Variants in MRPL34 observed in about 807,000 individuals in gnomAD.
MRPL34 encodes the protein large ribosomal subunit protein bL34m.
Under a neutral mutation model 6.7 loss-of-function variants are expected in MRPL34, and 8 were observed. That is an observed-to-expected ratio of 1.20 (90% confidence interval 0.70 to 2.16). MRPL34 has a LOEUF of 2.16. Among genes scored for constraint, MRPL34 ranks in the 30% most tolerant of loss-of-function variants. The probability of loss-of-function intolerance (pLI) is 0.00; values close to 1 mark genes in which losing one functional copy is unlikely to be tolerated. For missense variants in MRPL34, 146 were observed against 125.5 expected, an observed-to-expected ratio of 1.16 and a Z score of -0.78; for synonymous variants, 59 against 55.1, an observed-to-expected ratio of 1.07 and a Z score of -0.31.
rs747576672 is a variant in MRPL34 at position 17,294,460 on chromosome 19, T to A, written c.214+1606T>A. 3.7e-6 allele frequency: 6 copies of A among 1,614,150 alleles called. No individual in the cohort carries two copies. In the South Asian group the frequency reaches 6.6e-5, roughly 18 times the overall value. On this transcript the variant is annotated intron_variant, in intron 1 of 2. Transcript: ENST00000595444. ...TGACACGTTGAAAGCGTTGCCCTCCTTTAACAGCTGCTTCTCCTTGGCTCC... is the reference window on the plus strand; with the variant it reads ...TGACACGTTGAAAGCGTTGCCCTCCATTAACAGCTGCTTCTCCTTGGCTCC...
At chr19:17,292,605 C>G (rs113634768), upstream of MRPL34, 143,997 of 1,525,780 alleles carry the variant, frequency 0.094, 7,516 homozygotes, top group Non-Finnish European at 0.11. Flanking sequence ...GGCGCAGGCT[C>G]GGGCCTCCTC....
At chr19:17,294,772 C>T in intron 1 of MRPL34, 2 of 1,614,206 alleles carry the variant, frequency 1.2e-6, no homozygotes, top group Admixed American at 1.7e-5. Flanking sequence ...GCCGTAGGGC[C>T]CCCGCCATTG....
At chr19:17,294,195 C>G in intron 1 of MRPL34, 1 of 1,444,320 alleles carries the variant, frequency 6.9e-7, no homozygotes, top group Non-Finnish European at 9.2e-7. Context: ...AGCACGCCCA[C>G]CAAGCGCTAC....
chr19:17,294,634 G>T, intron 1 of MRPL34: 13 of 1,608,928 alleles, frequency 8.1e-6, no homozygotes, highest in Non-Finnish European at 1.0e-5. Context: ...GCCTGGGTTC[G>T]CCAGGGCCAG....
chr19:17,305,678 G>C (rs1022355295), upstream of MRPL34: 6 of 604,592 alleles, frequency 9.9e-6, no homozygotes, highest in Non-Finnish European at 1.8e-5. Flanking sequence ...CCGGCTACCT[G>C]TTGGTGTGTA....
At chr19:17,296,788 G>A (rs34546260) in intron 1 of MRPL34, 50,039 of 150,386 alleles carry the variant, frequency 0.33, 9,361 homozygotes, top group Non-Finnish European at 0.42. Flanking sequence ...TCCGCCTCCC[G>A]GGTTCAAGTG....
At chr19:17,301,184 C>G, upstream of MRPL34, 7 of 1,605,372 alleles carry the variant, frequency 4.4e-6, no homozygotes, top group Non-Finnish European at 5.9e-6. Flanking sequence ...CGCCGCCCAC[C>G]ACTGCCACTG....
At chr19:17,301,810 T>TGTG (rs1555721124), upstream of MRPL34, among the ~76,000 whole-genome samples, 387 of 119,570 alleles carry the variant, frequency 3.2e-3, 1 homozygote, top group African/African-American at 0.013. Flanking sequence ...GTGTGTGTGT[T>TGTG]TTTGAGACAG....
At chr19:17,301,380 C>T (rs1228103331), upstream of MRPL34, 1 of 1,611,300 alleles carries the variant, frequency 6.2e-7, no homozygotes, top group African/African-American at 1.3e-5. Flanking sequence ...TGATCCGGCG[C>T]TGACAGCGGA....
In MRPL34 at chr19:17,306,330, A is replaced by C. The variant is rs749803835; in HGVS notation, c.230A>C (p.Gln77Pro). The change falls in exon 2 of 2, where the codon CAG (glutamine) becomes CCG (proline). Residue 77 changes from glutamine to proline, a missense_variant. Transcript: ENST00000252602. ...VRRLSTPAGVQVILRRMLKGR... is the reference protein window; with the variant it reads ...VRRLSTPAGVPVILRRMLKGR... ...CGCCTGAGCACGCCGGCCGGCGTGC[A>C]GGTCATCCTTCGCCGAATGCTCAAG... 6.2e-6 allele frequency: 10 copies of C among 1,609,882 alleles called. No individual in the cohort carries two copies. In the Admixed American group the frequency reaches 1.0e-4, roughly 16 times the overall value.
Position 17,306,426 on chromosome 19 carries a change from C to T in MRPL34, c.*47C>T. On this transcript the variant is annotated 3_prime_UTR_variant, in exon 2 of 2. Transcript: ENST00000252602. Reference sequence around the variant, plus strand: ...GACCCTCATGGAAGCATCGCCCTCGCCTCGGACCTTGCCTGGCGCTATTTT... The same window carrying T: ...GACCCTCATGGAAGCATCGCCCTCGTCTCGGACCTTGCCTGGCGCTATTTT... The T allele has an allele frequency of 6.7e-7, 1 of 1,491,440 alleles. No homozygotes were observed. Among genetic ancestry groups the T allele is most frequent in the South Asian group, 1.3e-5 (1 of 78,378 alleles). The allele number at this position is 1,491,440 out of a possible 1,614,324, so 92.4% of individuals were successfully genotyped here.
At chr19:17,299,287 T>C (rs912432199), upstream of MRPL34, among the ~76,000 whole-genome samples, 2 of 140,548 alleles carry the variant, frequency 1.4e-5, no homozygotes, top group African/African-American at 2.6e-5. Flanking sequence ...ATTGGCCTGG[T>C]GCGTTGGCTC....
intron 1 of MRPL34, chr19:17,296,618 C>G (rs748692284): frequency 6.6e-6 from 1 of 152,048 alleles, no homozygotes; most frequent in Admixed American, 6.6e-5. Flanking sequence ...AAACTATGTA[C>G]GGCCTGTGGG....
At chr19:17,305,186 G>T (rs528443353), upstream of MRPL34, among the ~76,000 whole-genome samples, 1 of 151,896 alleles carries the variant, frequency 6.6e-6, no homozygotes, top group African/African-American at 2.4e-5. Context: ...GGGAGCCAAG[G>T]ATAGTGTGTG....
chr19:17,294,536 T>A, intron 1 of MRPL34: 6 of 1,612,892 alleles, frequency 3.7e-6, no homozygotes, highest in Non-Finnish European at 5.1e-6. Context: ...CTAGAGCCCC[T>A]TATGCCAGCC....
At chr19:17,299,905 T>C (rs376230350), upstream of MRPL34, among the ~76,000 whole-genome samples, 157 of 94,616 alleles carry the variant, frequency 1.7e-3, no homozygotes, top group African/African-American at 3.6e-3. Context: ...TGGTGGCCCC[T>C]TTTTTTTTTT....
At chr19:17,296,884 G>A (rs1015149828) in intron 1 of MRPL34, among the ~76,000 whole-genome samples, 4 of 151,958 alleles carry the variant, frequency 2.6e-5, no homozygotes, top group African/African-American at 9.7e-5. Context: ...TAGTAGAGAC[G>A]GGGTTTCACC....
At chr19:17,306,017 C>T in intron 1 of MRPL34, 60 bp downstream of exon 1, 6 of 1,594,844 alleles carry the variant, frequency 3.8e-6, no homozygotes, top group Admixed American at 1.7e-5. Context: ...CGGAGGCTGG[C>T]GCCACTCTTC....
In MRPL34 at chr19:17,295,687, C is replaced by T. The variant is rs574219746; in HGVS notation, c.214+2833C>T. Among the ~76,000 whole-genome samples, 3 of 152,238 alleles carry T rather than the reference C, an allele frequency of 2.0e-5. No individual in the cohort carries two copies. In the South Asian group the frequency reaches 6.2e-4, roughly 32 times the overall value. On this transcript the variant is annotated intron_variant, in intron 1 of 2. Transcript: ENST00000595444. The stretch of plus-strand genomic sequence containing the variant: ...CTTCCCAAAGTGCGGGGATTACAGG[C>T]ATGAGCCACTGGGCTGGCCTGTTTT...
Sources: allele counts gnomAD v4.1 joint callset (sites outside exome capture counted in the v4.1 genomes callset), GRCh38; gene constraint gnomAD v4.1.1; transcripts MANE v1.5; gene names NCBI Gene and HGNC (gene_info 2026-07-23, HGNC 2026-07-21).